GRID2: variants seen among roughly 807,000 people sequenced by gnomAD.
GRID2 encodes the protein glutamate ionotropic receptor delta type subunit 2.
GRID2 carries 33 observed loss-of-function variants against 114.8 expected under a neutral mutation model. That is an observed-to-expected ratio of 0.29 (90% CI 0.22 to 0.38). The LOEUF (loss-of-function observed/expected upper bound fraction) is 0.38. Ranked by LOEUF, GRID2 falls within the 10% of genes least tolerant of loss-of-function variation. The probability of loss-of-function intolerance (pLI) is 1.00; values close to 1 mark genes in which losing one functional copy is unlikely to be tolerated. For synonymous variants in GRID2, 505 were observed against 449.9 expected (o/e 1.12, Z -1.55); for missense variants, 1,184 against 1,257.7 (o/e 0.94, Z 0.89).
At chr4:93,459,399 A>G (rs999668138) in intron 11 of GRID2, among the ~76,000 whole-genome samples, 2 of 152,100 alleles carry the variant, frequency 1.3e-5, no homozygotes, top group Non-Finnish European at 2.9e-5. Flanking sequence ...AGATTTGGTG[A>G]AGGACTTCAA....
intron 2 of GRID2, among the ~76,000 whole-genome samples, chr4:93,071,313 A>G (rs1198109840): frequency 2.6e-5 from 4 of 152,066 alleles, no homozygotes; most frequent in Admixed American, 2.0e-4. Context: ...TTTCCTGTTT[A>G]CTCAATTATT....
chr4:92,957,052 C>A (rs912229543), intron 2 of GRID2, among the ~76,000 whole-genome samples: 22 of 151,940 alleles, frequency 1.4e-4, no homozygotes, highest in Non-Finnish European at 5.9e-5. Context: ...TGTATAATAG[C>A]CCTCTATCAG....
intron 2 of GRID2, among the ~76,000 whole-genome samples, chr4:92,600,481 G>C (rs1255251712): frequency 3.3e-5 from 5 of 152,130 alleles, no homozygotes; most frequent in Non-Finnish European, 7.3e-5. Context: ...GTTTAGAATT[G>C]TGTTGCACAG....
intron 12 of GRID2, among the ~76,000 whole-genome samples, chr4:93,502,858 A>G (rs554280392): frequency 6.6e-6 from 1 of 152,056 alleles, no homozygotes; most frequent in Admixed American, 6.6e-5. Flanking sequence ...AAGGCGAGGA[A>G]TAAGGTCTAA....
At chr4:92,884,902 T>G (rs889906176) in intron 2 of GRID2, 6 of 379,702 alleles carry the variant, frequency 1.6e-5, no homozygotes, top group Admixed American at 3.4e-5. Flanking sequence ...GTACTATCAA[T>G]GTAGATGATA....
At chr4:92,909,864 A>G (rs1375798340) in intron 2 of GRID2, among the ~76,000 whole-genome samples, 3 of 152,182 alleles carry the variant, frequency 2.0e-5, no homozygotes, top group Admixed American at 2.0e-4. Flanking sequence ...ACAAAATAAT[A>G]AATTATAAAT....
Position 93,591,288 on chromosome 4 carries a change from G to A in GRID2, c.2194-34981G>A, listed in dbSNP as rs1483302184. Reference sequence around the variant, plus strand: ...GAAAAGTTGTTGAATTTTGTCAAAGGCCTTTTCTGCATCTATTGATATAAT... The same window carrying A: ...GAAAAGTTGTTGAATTTTGTCAAAGACCTTTTCTGCATCTATTGATATAAT... On this transcript the variant is annotated intron_variant, in intron 13 of 15. Coordinates refer to ENST00000282020, the MANE Select transcript of GRID2 (RefSeq NM_001510.4). 6.6e-5 allele frequency among the ~76,000 whole-genome samples: 10 copies of A among 151,718 alleles called. No homozygotes were observed. The East Asian group carries it at 1.4e-3, about 21-fold the overall frequency.
At chr4:93,100,002 T>A (rs1009711544) in intron 3 of GRID2, among the ~76,000 whole-genome samples, 1 of 151,964 alleles carries the variant, frequency 6.6e-6, no homozygotes, top group African/African-American at 2.4e-5. Context: ...TAAAGCTGTT[T>A]ATTGCTCATT....
At chr4:92,824,921 T>A in intron 2 of GRID2, among the ~76,000 whole-genome samples, 1 of 152,126 alleles carries the variant, frequency 6.6e-6, no homozygotes, top group East Asian at 1.9e-4. Flanking sequence ...AATAATGACA[T>A]GATAACCAGA....
At position 92,683,160 on chromosome 4, in the gene GRID2, G is replaced by C. The variant is rs144949326; in HGVS notation, c.244+92874G>C. Among the ~76,000 whole-genome samples, 52 of 152,158 alleles carry C rather than the reference G, an allele frequency of 3.4e-4. No individual in the cohort carries two copies. In the East Asian group the frequency reaches 9.9e-3, roughly 29 times the overall value. On this transcript the variant is annotated intron_variant, in intron 2 of 15. Transcript: ENST00000282020. Reference sequence around the variant, plus strand: ...TAAAAATACCAAAACTTAGCTGGGCGTGGTGGCGGGCGCCTGTAGTCCCAG... The same window carrying C: ...TAAAAATACCAAAACTTAGCTGGGCCTGGTGGCGGGCGCCTGTAGTCCCAG...
intron 2 of GRID2, among the ~76,000 whole-genome samples, chr4:93,017,590 G>A (rs1722872746): frequency 1.3e-5 from 2 of 151,892 alleles, no homozygotes; most frequent in Middle Eastern, 3.4e-3. Flanking sequence ...CGATTCTAGT[G>A]GATCACTTGA....
intron 10 of GRID2, among the ~76,000 whole-genome samples, chr4:93,449,873 A>G (rs1580119573): frequency 6.6e-6 from 1 of 152,180 alleles, no homozygotes; most frequent in East Asian, 1.9e-4. Context: ...ATGAATGAGA[A>G]GTATAGATTA....
intron 1 of GRID2, among the ~76,000 whole-genome samples, chr4:92,508,436 G>A (rs79859378): frequency 0.029 from 4,379 of 151,938 alleles, 153 homozygotes; most frequent in African/African-American, 0.085. Context: ...AGAAATCAAC[G>A]AATGGTATAT....
intron 1 of GRID2, among the ~76,000 whole-genome samples, chr4:92,366,898 GA>G (rs1004894193): frequency 1.3e-5 from 2 of 151,752 alleles, no homozygotes; most frequent in South Asian, 2.1e-4. Flanking sequence ...CTGTGTGCTG[GA>G]AAAAAAATAT....
intron 1 of GRID2, among the ~76,000 whole-genome samples, chr4:92,375,744 A>T (rs11733597): frequency 0.25 from 38,185 of 152,084 alleles, 5,183 homozygotes; most frequent in South Asian, 0.32. Flanking sequence ...CACTGCATCA[A>T]CTGTGAAATA....
chr4:93,451,273 A>T (rs1293270321), intron 10 of GRID2, among the ~76,000 whole-genome samples: 1 of 152,096 alleles, frequency 6.6e-6, no homozygotes, highest in Non-Finnish European at 1.5e-5. Context: ...AGTGGCTAGG[A>T]AAGTGAGGAA....
intron 1 of GRID2, among the ~76,000 whole-genome samples, chr4:93,802,608 T>G (rs1734954463): frequency 6.6e-6 from 1 of 152,244 alleles, no homozygotes; most frequent in African/African-American, 2.4e-5. Context: ...AATTGTGCAT[T>G]GCTTTAACAT....
At chr4:93,558,955 C>T (rs1003969966) in intron 13 of GRID2, among the ~76,000 whole-genome samples, 5 of 152,104 alleles carry the variant, frequency 3.3e-5, no homozygotes, top group Non-Finnish European at 7.4e-5. Context: ...AGACGTAATC[C>T]ATCACATAAA....
At chr4:92,599,902 G>A (rs1205628709) in intron 2 of GRID2, among the ~76,000 whole-genome samples, 1 of 151,292 alleles carries the variant, frequency 6.6e-6, no homozygotes, top group East Asian at 2.0e-4. Flanking sequence ...CCATACACCT[G>A]TAGTTTCAGC....
Sources: allele counts gnomAD v4.1 joint callset (sites outside exome capture counted in the v4.1 genomes callset), GRCh38; gene constraint gnomAD v4.1.1; transcripts MANE v1.5; gene names NCBI Gene and HGNC (gene_info 2026-07-23, HGNC 2026-07-21).